The following MYH11 variants were observed in gnomAD, a reference collection of about 807,000 sequenced individuals.
MYH11 encodes the protein myosin heavy chain 11.
Under a neutral mutation model 246.6 loss-of-function variants are expected in MYH11, and 80 were observed. The observed-to-expected ratio is 0.32, with a 90% CI of 0.27 to 0.39. The LOEUF (loss-of-function observed/expected upper bound fraction) is 0.39, where lower values mean the gene tolerates loss of function less well. Ranked by LOEUF, MYH11 falls within the 10% of genes least tolerant of loss-of-function variation. The pLI is 1.00. For missense variants in MYH11, 2,158 were observed against 2,546.8 expected (o/e 0.85, Z 3.29); for synonymous variants, 1,071 against 1,015.5 (o/e 1.05, Z -1.04).
intron 10 of MYH11, among the ~76,000 whole-genome samples, chr16:15,763,068 C>T (rs1472206378): frequency 6.6e-6 from 1 of 152,140 alleles, no homozygotes; most frequent in Non-Finnish European, 1.5e-5. Flanking sequence ...TCAGTTAAAC[C>T]TGAATTTCAG....
chr16:15,788,373 T>C (rs1007210812), intron 4 of MYH11, among the ~76,000 whole-genome samples: 3 of 151,966 alleles, frequency 2.0e-5, no homozygotes, highest in Non-Finnish European at 4.4e-5. Context: ...AAAAAAGAAT[T>C]TGTTCACCCC....
chr16:15,719,807 T>G, intron 34 of MYH11, 94 bp from the exon 35 acceptor site: 1 of 1,554,276 alleles, frequency 6.4e-7, no homozygotes. Flanking sequence ...CCTTGGATTT[T>G]CTGCAGTTGA....
chr16:15,819,418 A>G (rs2043345854), intron 3 of MYH11, among the ~76,000 whole-genome samples: 2 of 152,176 alleles, frequency 1.3e-5, no homozygotes, highest in Admixed American at 1.3e-4. Flanking sequence ...ATCTGTATTT[A>G]CAGCCACTCC....
chr16:15,823,494 G>A (rs1312516352), intron 2 of MYH11, 83 bp from the exon 3 acceptor site: 3 of 1,550,474 alleles, frequency 1.9e-6, no homozygotes, highest in Non-Finnish European at 2.7e-6. Flanking sequence ...TCTCATGTTA[G>A]AGATGGGGAA....
intron 3 of MYH11, among the ~76,000 whole-genome samples, chr16:15,813,583 TG>T (rs1380177304): frequency 6.6e-6 from 1 of 152,136 alleles, no homozygotes; most frequent in African/African-American, 2.4e-5. Flanking sequence ...ATCACTTCTT[TG>T]TAAAAGAAGG....
intron 5 of MYH11, chr16:15,784,770 A>T (rs1037665071): frequency 6.2e-7 from 1 of 1,606,488 alleles, no homozygotes; most frequent in Non-Finnish European, 8.5e-7. Context: ...TTTCCATCAC[A>T]TGGACATCAG....
rs746301838 is a variant in MYH11, at chr16:15,738,719, A to G, written c.2998-31T>C. ...TGGGGAAAGAGAAAGAGATAGCTTTAGGATTTTTCTTTTCTCTAGAATCTA... is the reference window on the plus strand; with the variant it reads ...TGGGGAAAGAGAAAGAGATAGCTTTGGGATTTTTCTTTTCTCTAGAATCTA... On this transcript the variant is annotated intron_variant, in intron 23 of 40. Transcript: ENST00000300036. The G allele has an allele frequency of 2.8e-5, 45 of 1,611,378 alleles. No homozygotes were observed. The South Asian group carries it at 4.0e-4, about 14-fold the overall frequency.
intron 1 of MYH11, among the ~76,000 whole-genome samples, chr16:15,844,911 T>C (rs758291399): frequency 1.2e-4 from 18 of 152,134 alleles, no homozygotes; most frequent in Non-Finnish European, 2.4e-4. Flanking sequence ...TTCATTAGCC[T>C]AAAAGATCTT....
intron 3 of MYH11, among the ~76,000 whole-genome samples, chr16:15,812,149 G>A (rs963556168): frequency 6.6e-6 from 1 of 152,150 alleles, no homozygotes; most frequent in African/African-American, 2.4e-5. Flanking sequence ...CGGTGTCACC[G>A]ACTGACCAGC....
intron 40 of MYH11, among the ~76,000 whole-genome samples, chr16:15,706,505 C>T (rs1466079038): frequency 5.9e-5 from 9 of 152,106 alleles, no homozygotes; most frequent in East Asian, 1.9e-4. Context: ...GTCAGTTGTT[C>T]GAGGCCATCC....
At position 15,719,847 on chromosome 16, in the gene MYH11, G is replaced by A. The variant is rs554535412; in HGVS notation, c.4954-134C>T. 4.6e-5 allele frequency: 61 copies of A among 1,322,372 alleles called. 3 individuals carry two copies. In the East Asian group the frequency reaches 1.4e-3, roughly 30 times the overall value. 81.9% of individuals were successfully genotyped at this position (1,322,372 alleles called of 1,614,324 possible). On this transcript the variant is annotated intron_variant, in intron 34 of 40. Coordinates refer to ENST00000300036, the MANE Select transcript of MYH11 (RefSeq NM_002474.3). ...AAAGAAGTTCCCATTGCACGAGCATGGCTCTCAGTTCCAGGTGGCTGGTGG... is the reference window on the plus strand; with the variant it reads ...AAAGAAGTTCCCATTGCACGAGCATAGCTCTCAGTTCCAGGTGGCTGGTGG...
intron 34 of MYH11, 78 bp from the exon 35 acceptor site, chr16:15,719,791 C>CCCA: frequency 6.3e-7 from 1 of 1,590,000 alleles, no homozygotes; most frequent in Non-Finnish European, 8.6e-7. Flanking sequence ...GCTTTGCACA[C>CCCA]CCACCCCTTG....
intron 3 of MYH11, among the ~76,000 whole-genome samples, chr16:15,803,714 G>A (rs1455364289): frequency 6.6e-6 from 1 of 152,166 alleles, no homozygotes; most frequent in Non-Finnish European, 1.5e-5. Context: ...ACTTCAGGGA[G>A]AGAGGCAGGC....
intron 3 of MYH11, 148 bp from the exon 4 acceptor site, chr16:15,798,835 G>A (rs956074956): frequency 1.1e-6 from 1 of 881,984 alleles, no homozygotes; most frequent in Admixed American, 2.4e-5. Context: ...TGGGCTCATT[G>A]CCCAGGCTAC....
At chr16:15,784,734 A>G in intron 5 of MYH11, 1 of 1,613,866 alleles carries the variant, frequency 6.2e-7, no homozygotes, top group Non-Finnish European at 8.5e-7. Flanking sequence ...GTTGAACAAC[A>G]CAGTATAAAA....
At chr16:15,837,827 G>T in intron 2 of MYH11, 81 bp downstream of exon 2, 1 of 1,319,884 alleles carries the variant, frequency 7.6e-7, no homozygotes, top group Non-Finnish European at 1.1e-6. Context: ...GAGCCACTGT[G>T]CCCAGCCCTC....
Position 15,754,732 on chromosome 16 carries a change from C to T in MYH11, c.1750-1224G>A, listed in dbSNP as rs141012875. The stretch of plus-strand genomic sequence containing the variant: ...AGTCTGGAGTGCAGTGGTGCAGTCT[C>T]AGCTCACTGCAACCTCCAACTTCCT... On this transcript the variant is annotated intron_variant, in intron 14 of 40. Transcript: ENST00000300036. 9.7e-3 allele frequency among the ~76,000 whole-genome samples: 1,481 copies of T among 152,346 alleles called. 21 individuals are homozygous for T. Among genetic ancestry groups the T allele is most frequent in the African/African-American group, 0.034 (1,410 of 41,584 alleles).
intron 27 of MYH11, among the ~76,000 whole-genome samples, chr16:15,728,832 G>A (rs2040874657): frequency 1.3e-5 from 2 of 152,180 alleles, no homozygotes; most frequent in East Asian, 3.9e-4. Flanking sequence ...CCCAGGAGGC[G>A]GGGGTTGCAG....
chr16:15,738,783 G>A, intron 23 of MYH11, 95 bp from the exon 24 acceptor site: 1 of 1,411,478 alleles, frequency 7.1e-7, no homozygotes, highest in African/African-American at 1.4e-5. Flanking sequence ...ACAGTTGAAA[G>A]AAAAACCCAC....
Sources: allele counts gnomAD v4.1 joint callset (sites outside exome capture counted in the v4.1 genomes callset), GRCh38; gene constraint gnomAD v4.1.1; transcripts MANE v1.5; gene names NCBI Gene and HGNC (gene_info 2026-07-23, HGNC 2026-07-21).